XPO1: variants seen among roughly 807,000 people sequenced by gnomAD.
XPO1 encodes exportin 1, also known as exportin-1.
Under a neutral mutation model 133.3 loss-of-function variants are expected in XPO1, and 5 were observed. The observed-to-expected ratio is 0.04, with a 90% CI of 0.02 to 0.08. The LOEUF (loss-of-function observed/expected upper bound fraction) is 0.08. XPO1 is among the 10% of genes least tolerant of loss of function. The probability of loss-of-function intolerance (pLI) is 1.00; values close to 1 mark genes in which losing one functional copy is unlikely to be tolerated. For missense variants in XPO1, 506 were observed against 1,267.5 expected (o/e 0.40, Z 9.12); for synonymous variants, 419 against 408.2 (o/e 1.03, Z -0.32).
intron 17 of XPO1, 144 bp downstream of exon 17, chr2:61,490,498 C>G: frequency 8.2e-7 from 1 of 1,221,450 alleles, no homozygotes; most frequent in Non-Finnish European, 1.1e-6. Context: ...CACACCTCGC[C>G]CAGATAATAA....
chr2:61,526,326 A>G (rs1698903295), intron 3 of XPO1, 94 bp downstream of exon 3: 5 of 1,472,196 alleles, frequency 3.4e-6, no homozygotes, highest in Non-Finnish European at 3.6e-6. Flanking sequence ...ATAATTTGAG[A>G]TAACAAATGC....
Position 61,484,076 on chromosome 2 carries a change from C to G in XPO1, c.2538G>C (p.Thr846=), listed in dbSNP as rs13385575. The change falls in exon 21 of 25, where the codon ACG becomes ACC. Residue 846 remains threonine (T), a synonymous_variant. Transcript: ENST00000401558. Reference sequence around the variant, plus strand: ...CAGCCTGAAGTAGTAAGAAAAAGTTCGTTCTATGTTCAGGATATTCTTCAA... The same window carrying G: ...CAGCCTGAAGTAGTAAGAAAAAGTTGGTTCTATGTTCAGGATATTCTTCAA... ...KDFEEYPEHR[T]NFFLLLQAVN... 5 of 1,613,356 alleles carry G rather than the reference C, an allele frequency of 3.1e-6. No homozygotes were observed. The South Asian group carries it at 3.3e-5, about 11-fold the overall frequency.
At position 61,498,800 on chromosome 2, in the gene XPO1, A is replaced by G; in HGVS notation, c.640-8T>C. On this transcript the variant is annotated splice_region_variant and splice_polypyrimidine_tract_variant and intron_variant, in intron 8 of 24. Transcript: ENST00000401558. The stretch of plus-strand genomic sequence containing the variant: ...AGCATTTTGAGAATTTTCCTATAAC[A>G]AAACACACTTGTAAATAATTGCTTT... The G allele has an allele frequency of 6.2e-7, 1 of 1,613,166 alleles. No homozygotes were observed. Among genetic ancestry groups the G allele is most frequent in the South Asian group, 1.1e-5 (1 of 90,638 alleles).
At chr2:61,522,260 C>T (rs948568874) in intron 4 of XPO1, among the ~76,000 whole-genome samples, 2 of 152,122 alleles carry the variant, frequency 1.3e-5, no homozygotes, top group African/African-American at 4.8e-5. Context: ...TCTTGCTATA[C>T]TGCCTAGGCT....
chr2:61,494,057 T>C lies in XPO1; in HGVS notation c.1082A>G (p.Glu361Gly). The C allele has an allele frequency of 6.2e-7, 1 of 1,613,988 alleles. No homozygotes were observed. Among genetic ancestry groups the C allele is most frequent in the Non-Finnish European group, 8.5e-7 (1 of 1,179,978 alleles). Residue 361 changes from glutamate to glycine, a missense_variant, in exon 12 of 25, where the codon GAA (glutamate) becomes GGA (glycine). Physicochemically the swap from Glu to Gly is moderately conservative, Grantham distance 98 (BLOSUM62 -2). Around this residue, in one of 6 missense-constraint regions of XPO1, gnomAD observed 134 missense variants for 261.6 expected, o/e 0.51. Transcript: ENST00000401558. ...LHYMLLVSEV[E>G]ETEIFKICLE... ...ACAAATTTTAAAGATTTCAGTTTCT[T>C]CTACTTCAGATACCAACAACATATA...
chr2:61,532,337 C>T lies in XPO1; in HGVS notation c.126+1435G>A, dbSNP rs1392266027. Among the ~76,000 whole-genome samples, 8 of 152,040 alleles carry T rather than the reference C, an allele frequency of 5.3e-5. No individual in the cohort carries two copies. In the East Asian group the frequency reaches 1.6e-3, roughly 30 times the overall value. ...AGAGACGGGGTTTCACCGTGTTAGC[C>T]AGGATGGTCTCGATCTCCTGACCTC... On this transcript the variant is annotated intron_variant, in intron 2 of 24. Transcript: ENST00000401558.
chr2:61,492,732 C>T lies in XPO1; in HGVS notation c.1401G>A (p.Leu467=). Residue 467 remains leucine, a synonymous_variant, in exon 14 of 25, where the codon CTG becomes CTA. Coordinates refer to ENST00000401558, the MANE Select transcript of XPO1 (RefSeq NM_003400.4). This position sits in a 1 kb window ranked among gnomAD's most constrained non-coding sequence, Gnocchi z 5.6. ...MRETLVYLTH[L]DYVDTERIMT... is the part of the protein sequence containing the mutation. The stretch of plus-strand genomic sequence containing the variant: ...TTATTCTTTCTGTATCTACATAATC[C>T]AGATGAGTAAGATAAACTACAAAGA... The T allele has an allele frequency of 8.1e-6, 13 of 1,612,858 alleles. No homozygotes were observed. Among genetic ancestry groups the T allele is most frequent in the Non-Finnish European group, 1.1e-5 (13 of 1,179,750 alleles).
intron 4 of XPO1, among the ~76,000 whole-genome samples, chr2:61,516,113 G>A (rs1190922275): frequency 3.5e-4 from 50 of 143,974 alleles, no homozygotes; most frequent in African/African-American, 1.2e-3. Context: ...GCGACAGAGC[G>A]AAACTCCGTC....
intron 4 of XPO1, among the ~76,000 whole-genome samples, chr2:61,519,452 G>T (rs1391430296): frequency 6.6e-6 from 1 of 151,530 alleles, no homozygotes; most frequent in Non-Finnish European, 1.5e-5. Flanking sequence ...AATCTCAACA[G>T]GCATGGAGGC....
intron 4 of XPO1, among the ~76,000 whole-genome samples, chr2:61,506,738 T>C (rs1697838683): frequency 2.0e-5 from 3 of 151,710 alleles, no homozygotes; most frequent in South Asian, 4.2e-4. Context: ...ATAATACATA[T>C]CTAGGTAGAA....
At chr2:61,496,183 C>G (rs1453276817) in intron 10 of XPO1, among the ~76,000 whole-genome samples, 1 of 152,046 alleles carries the variant, frequency 6.6e-6, no homozygotes, top group Admixed American at 6.6e-5. Context: ...TTCATTCATT[C>G]AGATCACAAA....
At chr2:61,534,127 G>C in intron 1 of XPO1, 1 of 385,114 alleles carries the variant, frequency 2.6e-6, no homozygotes, top group Non-Finnish European at 4.5e-6. Context: ...AACTTTTCTA[G>C]TGTTTAGTTT....
rs768951476 is a variant in XPO1 at position 61,492,308 on chromosome 2, TAAAG to T, written c.1723+13_1723+16del. On this transcript the variant is annotated intron_variant, in intron 15 of 24. Transcript: ENST00000401558. The surrounding 1 kb of genome is among the most constrained non-coding windows in gnomAD (Gnocchi z 5.6). ...CAATAAAAATAAAAGCAAAATATAGTAAAGAAAGAGATTTACCATGCATGAATTC... is the reference window on the plus strand; with the variant it reads ...CAATAAAAATAAAAGCAAAATATAGTAAAGAGATTTACCATGCATGAATTC... 2.3e-5 allele frequency: 36 copies of T among 1,583,086 alleles called. No homozygotes were observed. The highest frequency in any genetic ancestry group is 1.6e-4 in the Admixed American group (8 of 50,304).
intron 4 of XPO1, among the ~76,000 whole-genome samples, chr2:61,505,817 C>T (rs1048101716): frequency 1.3e-5 from 2 of 152,108 alleles, no homozygotes; most frequent in African/African-American, 2.4e-5. Flanking sequence ...CTCGGCCTCC[C>T]GAAGTGCTGG....
chr2:61,490,882 C>G, intron 16 of XPO1, 106 bp from the exon 17 acceptor site: 1 of 1,335,498 alleles, frequency 7.5e-7, no homozygotes, highest in Non-Finnish European at 1.0e-6. Flanking sequence ...GGCCCAGGTG[C>G]AGTGGATCAC....
chr2:61,482,204 C>T (rs573997513), intron 23 of XPO1, among the ~76,000 whole-genome samples, 176 bp downstream of exon 23: 81 of 152,130 alleles, frequency 5.3e-4, no homozygotes, highest in African/African-American at 1.6e-3. Flanking sequence ...ATGCATACCA[C>T]TTCTGACTAC....
intron 2 of XPO1, among the ~76,000 whole-genome samples, chr2:61,532,869 T>C (rs970814319): frequency 6.7e-6 from 1 of 148,430 alleles, no homozygotes; most frequent in East Asian, 2.0e-4. Context: ...ACTGCAAAAC[T>C]TTTTACTCAT....
intron 4 of XPO1, among the ~76,000 whole-genome samples, chr2:61,521,875 C>T (rs1341785670): frequency 6.6e-6 from 1 of 151,028 alleles, no homozygotes; most frequent in African/African-American, 2.4e-5. Flanking sequence ...CTACCTCACC[C>T]CACTGATACC....
chr2:61,518,855 A>C (rs2104710408), intron 4 of XPO1, among the ~76,000 whole-genome samples: 1 of 152,364 alleles, frequency 6.6e-6, no homozygotes, highest in Non-Finnish European at 1.5e-5. Context: ...AACAAATCTC[A>C]ACTTATTTAA....
Sources: allele counts gnomAD v4.1 joint callset (sites outside exome capture counted in the v4.1 genomes callset), GRCh38; gene constraint gnomAD v4.1.1; regional missense constraint gnomAD v4.1.1; non-coding constraint Gnocchi (gnomAD v3.1); transcripts MANE v1.5; gene names NCBI Gene and HGNC (gene_info 2026-07-23, HGNC 2026-07-21).